KCNIP4: variants seen among roughly 807,000 people sequenced by gnomAD.
The protein encoded by KCNIP4 is Kv channel-interacting protein 4.
Under a neutral mutation model 34.0 loss-of-function variants are expected in KCNIP4, and 12 were observed. The ratio of observed to expected loss-of-function variants is 0.35; its 90% CI spans 0.23 to 0.57. KCNIP4 has a LOEUF of 0.57. KCNIP4 is among the 20% of genes least tolerant of loss of function. The probability of loss-of-function intolerance (pLI) is 0.83; values close to 1 mark genes in which losing one functional copy is unlikely to be tolerated. For synonymous variants in KCNIP4, 124 were observed against 102.2 expected (o/e 1.21, Z -1.29); for missense variants, 238 against 311.7 (o/e 0.76, Z 1.78).
intron 1 of KCNIP4, among the ~76,000 whole-genome samples, chr4:21,101,439 T>C (rs1054679093): frequency 1.1e-4 from 16 of 152,208 alleles, no homozygotes; most frequent in Admixed American, 3.3e-4. Context: ...TTTTCTTCCA[T>C]TGATGGACAC....
chr4:20,834,591 G>A (rs187113091), intron 3 of KCNIP4, among the ~76,000 whole-genome samples: 210 of 152,244 alleles, frequency 1.4e-3, no homozygotes, highest in African/African-American at 4.8e-3. Flanking sequence ...GACCAGGAGA[G>A]GCCAAAAGCT....
chr4:20,843,018 G>C (rs960020480), intron 3 of KCNIP4, among the ~76,000 whole-genome samples: 2 of 150,402 alleles, frequency 1.3e-5, no homozygotes, highest in African/African-American at 2.5e-5. Context: ...AGGGATTCTT[G>C]TGCCTCAGCC....
At chr4:21,123,998 C>G (rs1384841228) in intron 1 of KCNIP4, among the ~76,000 whole-genome samples, 1 of 150,752 alleles carries the variant, frequency 6.6e-6, no homozygotes, top group Non-Finnish European at 1.5e-5. Context: ...TTACAGTAGC[C>G]CAAGCTAAGA....
chr4:20,972,971 CAAAG>C (rs759796216), intron 1 of KCNIP4, among the ~76,000 whole-genome samples: 4 of 152,252 alleles, frequency 2.6e-5, no homozygotes, highest in South Asian at 4.1e-4. Context: ...TCTAGAAGGG[CAAAG>C]AAAGTGGTTT....
chr4:21,813,306 T>TG (rs1439384920), intron 1 of KCNIP4, among the ~76,000 whole-genome samples: 4 of 152,166 alleles, frequency 2.6e-5, no homozygotes, highest in Non-Finnish European at 5.9e-5. Context: ...GGAGAAAAAA[T>TG]GTATTTTAAC....
At chr4:21,205,038 C>A (rs1220166332) in intron 1 of KCNIP4, among the ~76,000 whole-genome samples, 1 of 152,160 alleles carries the variant, frequency 6.6e-6, no homozygotes, top group Non-Finnish European at 1.5e-5. Context: ...TGCTCTGTGG[C>A]AGACTTAACT....
At chr4:21,634,234 A>C (rs1442394813) in intron 1 of KCNIP4, among the ~76,000 whole-genome samples, 2 of 151,162 alleles carry the variant, frequency 1.3e-5, no homozygotes, top group Non-Finnish European at 3.0e-5. Flanking sequence ...AAAAAAAAAA[A>C]AAAAAAAAAA....
chr4:21,540,689 G>A lies in KCNIP4; in HGVS notation c.61+407882C>T, dbSNP rs538240158. On this transcript the variant is annotated intron_variant, in intron 1 of 8. Transcript: ENST00000382152. ...AAGAAAAACTAGTTTAATCTTGTTTGATCCATTATTTACCAAACGTTTTTG... is the reference window on the plus strand; with the variant it reads ...AAGAAAAACTAGTTTAATCTTGTTTAATCCATTATTTACCAAACGTTTTTG... 3.5e-4 allele frequency among the ~76,000 whole-genome samples: 54 copies of A among 152,206 alleles called. No individual in the cohort carries two copies. The East Asian group carries it at 5.8e-3, about 16-fold the overall frequency.
intron 3 of KCNIP4, among the ~76,000 whole-genome samples, chr4:20,777,155 G>T (rs185644679): frequency 2.0e-5 from 3 of 152,298 alleles, no homozygotes; most frequent in African/African-American, 7.2e-5. Context: ...CAGGGCTATA[G>T]ACGCCTCAGA....
chr4:21,297,517 G>A (rs1331834101), intron 1 of KCNIP4, among the ~76,000 whole-genome samples: 1 of 152,106 alleles, frequency 6.6e-6, no homozygotes, highest in Non-Finnish European at 1.5e-5. Flanking sequence ...TATGTTTGAA[G>A]TTTATCTTCT....
intron 1 of KCNIP4, among the ~76,000 whole-genome samples, chr4:21,579,684 A>G (rs1577632092): frequency 1.3e-5 from 2 of 152,160 alleles, no homozygotes; most frequent in South Asian, 4.1e-4. Flanking sequence ...AGAATAAACT[A>G]CTGATACTCT....
intron 1 of KCNIP4, among the ~76,000 whole-genome samples, chr4:21,068,491 A>G (rs1317481481): frequency 6.6e-6 from 1 of 152,098 alleles, no homozygotes; most frequent in Non-Finnish European, 1.5e-5. Context: ...TCACTCATGA[A>G]TTTCCAGCCA....
intron 1 of KCNIP4, among the ~76,000 whole-genome samples, chr4:21,470,183 C>CAAGGA (rs1560437414): frequency 1.3e-5 from 2 of 152,022 alleles, no homozygotes; most frequent in Non-Finnish European, 2.9e-5. Context: ...GTTGGTACTG[C>CAAGGA]CGGTTCAGAG....
intron 1 of KCNIP4, among the ~76,000 whole-genome samples, chr4:21,214,642 A>G (rs552161430): frequency 6.6e-6 from 1 of 152,178 alleles, no homozygotes; most frequent in Admixed American, 6.5e-5. Context: ...CATTGAATAC[A>G]ATCTTACTTC....
chr4:21,551,605 C>A (rs1268065637), intron 1 of KCNIP4, among the ~76,000 whole-genome samples: 1 of 152,070 alleles, frequency 6.6e-6, no homozygotes, highest in Non-Finnish European at 1.5e-5. Flanking sequence ...TGCAACTCTG[C>A]CAAAACCTGT....
At chr4:21,870,624 C>A (rs773165615) in intron 1 of KCNIP4, among the ~76,000 whole-genome samples, 3 of 152,202 alleles carry the variant, frequency 2.0e-5, no homozygotes, top group African/African-American at 7.2e-5. Flanking sequence ...TATCTGCCAT[C>A]TCTCCCTTTG....
At chr4:21,216,537 C>T (rs190076411) in intron 1 of KCNIP4, among the ~76,000 whole-genome samples, 2 of 152,190 alleles carry the variant, frequency 1.3e-5, no homozygotes, top group Admixed American at 1.3e-4. Flanking sequence ...TGTGAAGACA[C>T]GGGGAGGAAG....
chr4:21,306,211 C>T (rs1201691104), intron 1 of KCNIP4, among the ~76,000 whole-genome samples: 12 of 152,264 alleles, frequency 7.9e-5, no homozygotes, highest in South Asian at 4.1e-4. Flanking sequence ...TGGTGAATGA[C>T]GGAACCAAGC....
chr4:21,889,344 A>C (rs1201249832), intron 1 of KCNIP4, among the ~76,000 whole-genome samples: 1 of 152,098 alleles, frequency 6.6e-6, no homozygotes, highest in African/African-American at 2.4e-5. Context: ...AAGATATCTC[A>C]TTAATTATGT....
Sources: gnomAD v4.1 joint callset for allele counts (sites outside exome capture counted in the v4.1 genomes callset) on GRCh38, gnomAD v4.1.1 for gene constraint, MANE v1.5 for transcripts, NCBI Gene and HGNC (gene_info 2026-07-23, HGNC 2026-07-21) for gene names.